The following DUSP22 variants were observed in gnomAD, a reference collection of about 807,000 sequenced individuals.
DUSP22 encodes the protein dual specificity protein phosphatase 22.
In DUSP22, 24 loss-of-function variants were observed where a neutral mutation model predicts 24.5. The ratio of observed to expected loss-of-function variants is 0.98; its 90% CI spans 0.71 to 1.38. DUSP22 has a LOEUF of 1.38. DUSP22 is among the 40% of genes most tolerant of loss of function. The pLI, the probability that DUSP22 is intolerant of heterozygous loss-of-function variation, is 0.00. For synonymous variants in DUSP22, 160 were observed against 106.4 expected (o/e 1.50, Z -3.10); for missense variants, 330 against 269.2 (o/e 1.23, Z -1.58).
intron 3 of DUSP22, among the ~76,000 whole-genome samples, chr6:327,979 T>A (rs539958208): frequency 6.6e-6 from 1 of 152,426 alleles, no homozygotes; most frequent in South Asian, 2.1e-4. Context: ...TTCTCTACTT[T>A]GCAGACAGAG....
At position 349,679 on chromosome 6, in the gene DUSP22, C is replaced by G. The variant is rs1449125267; in HGVS notation, c.*728C>G. Reference sequence around the variant, plus strand: ...AGTGGGCCAGCACTTTATACCAACTCAGCATTTAAGGGAAGTATCTTAGAT... The same window carrying G: ...AGTGGGCCAGCACTTTATACCAACTGAGCATTTAAGGGAAGTATCTTAGAT... On this transcript the variant is annotated 3_prime_UTR_variant, in exon 7 of 7. Coordinates refer to ENST00000419235, the MANE Select transcript of DUSP22 (RefSeq NM_001286555.3). 2.0e-6 allele frequency: 2 copies of G among 986,016 alleles called. No homozygotes were observed. Among genetic ancestry groups the G allele is most frequent in the African/African-American group, 3.5e-5 (2 of 57,280 alleles). The allele number at this position is 986,016 out of a possible 1,614,324, so 61.1% of individuals were successfully genotyped here. A position where few individuals can be genotyped will look rare whatever the true frequency, so the allele number is the denominator to read the frequency against.
chr6:350,682 TA>T lies in DUSP22; in HGVS notation c.*1734del. The stretch of plus-strand genomic sequence containing the variant: ...GTACATGTTTTTCCTAAGCCAAAAA[TA>T]AATACGTTAACAGAAAAATGATTTA... On this transcript the variant is annotated 3_prime_UTR_variant, in exon 7 of 7. Coordinates refer to ENST00000419235, the MANE Select transcript of DUSP22 (RefSeq NM_001286555.3). The T allele has an allele frequency of 6.4e-7, 1 of 1,561,856 alleles. No individual in the cohort carries two copies. The highest frequency in any genetic ancestry group is 8.7e-7 in the Non-Finnish European group (1 of 1,154,102).
chr6:311,768 A>T, intron 2 of DUSP22, 112 bp from the exon 3 acceptor site: 1 of 1,191,204 alleles, frequency 8.4e-7, no homozygotes, highest in Admixed American at 2.8e-5. Context: ...ATGAAGTTTC[A>T]GGAAAGAAAT....
At chr6:303,060 T>C (rs1452883969) in intron 1 of DUSP22, among the ~76,000 whole-genome samples, 1 of 152,298 alleles carries the variant, frequency 6.6e-6, no homozygotes, top group Non-Finnish European at 1.5e-5. Context: ...GGAGGGGTCA[T>C]TGCACTGCCA....
chr6:306,626 A>C (rs1365154077), intron 2 of DUSP22, among the ~76,000 whole-genome samples: 2 of 152,308 alleles, frequency 1.3e-5, no homozygotes, highest in Non-Finnish European at 2.9e-5. Context: ...TTCCAGGTAC[A>C]AGGCTTATCT....
At chr6:333,702 A>G (rs1759236658) in intron 3 of DUSP22, among the ~76,000 whole-genome samples, 1 of 152,298 alleles carries the variant, frequency 6.6e-6, no homozygotes, top group Admixed American at 6.5e-5. Flanking sequence ...CCCCAAGCTC[A>G]GCGCCCACTT....
chr6:348,731 T>G, intron 6 of DUSP22, 38 bp from the exon 7 acceptor site: 5 of 1,613,386 alleles, frequency 3.1e-6, no homozygotes, highest in Non-Finnish European at 4.2e-6. Context: ...GACGTGCACA[T>G]GTGTGTGACG....
In DUSP22 at chr6:349,843, G is replaced by A. The variant is rs1561686612; in HGVS notation, c.*892G>A. The A allele has an allele frequency of 5.1e-6, 5 of 986,012 alleles. No homozygotes were observed. The highest frequency in any genetic ancestry group is 1.1e-4 in the East Asian group (1 of 8,832). The allele number at this position is 986,012 out of a possible 1,614,324, so 61.1% of individuals were successfully genotyped here. A position where few individuals can be genotyped will look rare whatever the true frequency, so the allele number is the denominator to read the frequency against. On this transcript the variant is annotated 3_prime_UTR_variant, in exon 7 of 7. Transcript: ENST00000419235. ...TGATTGCACTTGAGCTCTGTGGTGG[G>A]CAGGCGCACTTTAGCCTAAGTTGGG...
At chr6:292,864 C>CA (rs1293361617) in intron 1 of DUSP22, among the ~76,000 whole-genome samples, 1 of 152,294 alleles carries the variant, frequency 6.6e-6, no homozygotes, top group Non-Finnish European at 1.5e-5. Context: ...GCCGAGAGGT[C>CA]AGCTGAGCTC....
intron 1 of DUSP22, among the ~76,000 whole-genome samples, chr6:304,266 C>T (rs761157855): frequency 4.4e-4 from 67 of 152,396 alleles, no homozygotes; most frequent in South Asian, 8.3e-4. Context: ...CAGTGGGCAC[C>T]GTGTGTGCAG....
At position 350,685 on chromosome 6, in the gene DUSP22, A is replaced by G; in HGVS notation, c.*1734A>G. ...CATGTTTTTCCTAAGCCAAAAATAA[A>G]TACGTTAACAGAAAAATGATTTAGG... is the stretch of plus-strand genomic sequence containing the variant. On this transcript the variant is annotated 3_prime_UTR_variant, in exon 7 of 7. Transcript: ENST00000419235. The G allele has an allele frequency of 1.3e-6, 2 of 1,567,412 alleles. No homozygotes were observed. The highest frequency in any genetic ancestry group is 8.6e-7 in the Non-Finnish European group (1 of 1,157,108).
intron 3 of DUSP22, among the ~76,000 whole-genome samples, chr6:332,450 C>T (rs959548147): frequency 2.6e-5 from 4 of 152,300 alleles, no homozygotes; most frequent in African/African-American, 2.4e-5. Flanking sequence ...TTCTCGTGCC[C>T]ACCTGACAAG....
At chr6:292,608 C>G (rs757610185) in intron 1 of DUSP22, 48 bp downstream of exon 1, 1 of 1,574,414 alleles carries the variant, frequency 6.4e-7, no homozygotes, top group South Asian at 1.1e-5. Context: ...CTCCGACGCC[C>G]TGCCGTCTCG....
chr6:301,185 G>A (rs1276877127), intron 1 of DUSP22, among the ~76,000 whole-genome samples: 2 of 152,286 alleles, frequency 1.3e-5, no homozygotes, highest in African/African-American at 2.4e-5. Context: ...ACCTAGGAAA[G>A]GGTTTCAGAG....
At chr6:333,981 A>T (rs2127412574) in intron 3 of DUSP22, among the ~76,000 whole-genome samples, 1 of 152,426 alleles carries the variant, frequency 6.6e-6, no homozygotes, top group East Asian at 1.9e-4. Flanking sequence ...GCAGCTACAC[A>T]TTTAGTTGTC....
Position 349,324 on chromosome 6 carries a change from GCACA to G in DUSP22, c.*374_*377del. 50 of 1,095,120 alleles carry G rather than the reference GCACA, an allele frequency of 4.6e-5. No homozygotes were observed. The highest frequency in any genetic ancestry group is 5.6e-5 in the Non-Finnish European group (50 of 898,080). 67.8% of individuals were successfully genotyped at this position (1,095,120 alleles called of 1,614,324 possible). ...GTGTGTATGTTGTGAAAGTGTCTGTGCACATGAATGTTTGTGTGTGTGTGAACTC... is the reference window on the plus strand; with the variant it reads ...GTGTGTATGTTGTGAAAGTGTCTGTGTGAATGTTTGTGTGTGTGTGAACTC... On this transcript the variant is annotated 3_prime_UTR_variant, in exon 7 of 7. Coordinates refer to ENST00000419235, the MANE Select transcript of DUSP22 (RefSeq NM_001286555.3).
rs757093438 is a variant in DUSP22 at position 350,825 on chromosome 6, C to T, written c.*1874C>T. 6.2e-7 allele frequency: 1 copy of T among 1,614,076 alleles called. No homozygotes were observed. Among genetic ancestry groups the T allele is most frequent in the Non-Finnish European group, 8.5e-7 (1 of 1,179,958 alleles). On this transcript the variant is annotated 3_prime_UTR_variant, in exon 7 of 7. Transcript: ENST00000419235. Reference sequence around the variant, plus strand: ...CAGTAATGTTCTTTCTTCACAGCCGCTCCGGGAATTCTGAAGTTCTGGGCC... The same window carrying T: ...CAGTAATGTTCTTTCTTCACAGCCGTTCCGGGAATTCTGAAGTTCTGGGCC...
At chr6:332,854 T>C (rs1293081378) in intron 3 of DUSP22, among the ~76,000 whole-genome samples, 1 of 152,302 alleles carries the variant, frequency 6.6e-6, no homozygotes, top group Non-Finnish European at 1.5e-5. Context: ...CTGGAGGTGC[T>C]GGTCTCCAAG....
At chr6:335,695 C>T (rs1330576087) in intron 4 of DUSP22, among the ~76,000 whole-genome samples, 1 of 152,296 alleles carries the variant, frequency 6.6e-6, no homozygotes, top group Non-Finnish European at 1.5e-5. Context: ...AAGTTTATGT[C>T]CTTCTTTCAT....
Sources: gnomAD v4.1 joint callset for allele counts (sites outside exome capture counted in the v4.1 genomes callset) on GRCh38, gnomAD v4.1.1 for gene constraint, MANE v1.5 for transcripts, NCBI Gene and HGNC (gene_info 2026-07-23, HGNC 2026-07-21) for gene names.